ZNF354C: variants seen among roughly 807,000 people sequenced by gnomAD.
ZNF354C encodes the protein zinc finger protein 354C.
Under a neutral mutation model 12.4 loss-of-function variants are expected in ZNF354C, and 7 were observed. The observed-to-expected ratio is 0.56, with a 90% CI of 0.32 to 1.06. The LOEUF is 1.06. Among genes scored for constraint, ZNF354C ranks in the 50% least tolerant of loss-of-function variants. The pLI, the probability that ZNF354C is intolerant of heterozygous loss-of-function variation, is 0.04. For missense variants in ZNF354C, 609 were observed against 658.0 expected, an observed-to-expected ratio of 0.93 and a Z score of 0.81; for synonymous variants, 202 against 224.5, an observed-to-expected ratio of 0.90 and a Z score of 0.90.
Position 179,061,473 on chromosome 5 carries a change from G to A in ZNF354C, c.-54-542G>A, listed in dbSNP as rs1352176434. ...TGGGTAAAGTGTGGTAAGGCCCGAC[G>A]AAGATCTAGTAAAGAGGCTGGGAAA... is the stretch of plus-strand genomic sequence containing the variant. On this transcript the variant is annotated intron_variant, in intron 1 of 4. Coordinates refer to ENST00000315475, the MANE Select transcript of ZNF354C (RefSeq NM_014594.3). Among the ~76,000 whole-genome samples the A allele has an allele frequency of 2.0e-5, 3 of 152,296 alleles. No individual in the cohort carries two copies. The South Asian group carries it at 6.2e-4, about 32-fold the overall frequency.
intron 2 of ZNF354C, among the ~76,000 whole-genome samples, chr5:179,070,195 A>G (rs1762030246): frequency 6.6e-6 from 1 of 152,190 alleles, no homozygotes; most frequent in Non-Finnish European, 1.5e-5. Context: ...TGAGGGGCCC[A>G]GGTTGTGTGC....
chr5:179,067,198 G>C (rs1761968848), intron 2 of ZNF354C, among the ~76,000 whole-genome samples: 1 of 152,182 alleles, frequency 6.6e-6, no homozygotes, highest in Non-Finnish European at 1.5e-5. Flanking sequence ...AGAATCGTTT[G>C]AAGCCTCAGT....
intron 2 of ZNF354C, among the ~76,000 whole-genome samples, chr5:179,072,971 G>A (rs1762070432): frequency 6.6e-6 from 1 of 152,106 alleles, no homozygotes; most frequent in Admixed American, 6.5e-5. Context: ...CATATAGCTA[G>A]CTGGTTTCTA....
chr5:179,077,200 T>G (rs60369225), intron 4 of ZNF354C, 34 bp downstream of exon 4: 77,360 of 1,557,996 alleles, frequency 0.05, 3,568 homozygotes, highest in African/African-American at 0.23. Context: ...GCACAAGGGG[T>G]TCTTTATAGA....
intron 1 of ZNF354C, among the ~76,000 whole-genome samples, chr5:179,061,251 C>T (rs1025580207): frequency 9.2e-5 from 14 of 152,286 alleles, no homozygotes; most frequent in Non-Finnish European, 1.3e-4. Context: ...TCACACTTGC[C>T]CGGCTGCCCC....
intron 2 of ZNF354C, among the ~76,000 whole-genome samples, chr5:179,070,054 T>G (rs1762028038): frequency 6.6e-6 from 1 of 152,012 alleles, no homozygotes; most frequent in Non-Finnish European, 1.5e-5. Context: ...CCTGGTCTAT[T>G]AGGAACCAGG....
intron 3 of ZNF354C, 72 bp downstream of exon 3, chr5:179,076,643 C>A (rs1024771742): frequency 4.9e-5 from 77 of 1,575,744 alleles, no homozygotes; most frequent in Non-Finnish European, 6.5e-5. Flanking sequence ...GGGTTCCGAG[C>A]CTGTGGTCTT....
chr5:179,079,821 T>G lies in ZNF354C; in HGVS notation c.1389T>G (p.Thr463=), dbSNP rs1279645570. 6.2e-7 allele frequency: 1 copy of G among 1,614,012 alleles called. No individual in the cohort carries two copies. Among genetic ancestry groups the G allele is most frequent in the Non-Finnish European group, 8.5e-7 (1 of 1,180,024 alleles). ...TTTATAGGCATCAGAGAATTCATAC[T>G]GGAGAGAAACCGTATCAGTGTAATC... is the stretch of plus-strand genomic sequence containing the variant. ...SNLYRHQRIH[T]GEKPYQCNQC... is the part of the protein sequence containing the mutation. Residue 463 remains threonine, a synonymous_variant, in exon 5 of 5, where the codon ACT becomes ACG. Transcript: ENST00000315475. This position sits in a 1 kb window ranked among gnomAD's most constrained non-coding sequence, Gnocchi z 4.2.
intron 4 of ZNF354C, 74 bp from the exon 5 acceptor site, chr5:179,078,609 G>GT (rs1428708207): frequency 5.3e-5 from 64 of 1,217,206 alleles, no homozygotes; most frequent in Non-Finnish European, 6.9e-5. Flanking sequence ...ACTGTTACCA[G>GT]TTTTTTTGTC....
intron 2 of ZNF354C, among the ~76,000 whole-genome samples, chr5:179,074,500 T>C (rs542234094): frequency 6.6e-6 from 1 of 152,218 alleles, no homozygotes; most frequent in African/African-American, 2.4e-5. Flanking sequence ...GGCTTGCAAC[T>C]GGCCTAAATG....
At chr5:179,077,683 C>T (rs1762142766) in intron 4 of ZNF354C, among the ~76,000 whole-genome samples, 1 of 152,100 alleles carries the variant, frequency 6.6e-6, no homozygotes, top group Non-Finnish European at 1.5e-5. Flanking sequence ...GATTGTTGCA[C>T]AGGGGTGATT....
In ZNF354C at chr5:179,060,577, C is replaced by T. The variant is rs1441368331; in HGVS notation, c.-144C>T. 1 of 152,244 alleles carries T rather than the reference C, an allele frequency of 6.6e-6. No individual in the cohort carries two copies. Among genetic ancestry groups the T allele is most frequent in the African/African-American group, 2.4e-5 (1 of 41,458 alleles). The allele number at this position is 152,244 out of a possible 1,614,324, so 9.4% of individuals were successfully genotyped here. A position where few individuals can be genotyped will look rare whatever the true frequency, so the allele number is the denominator to read the frequency against. On this transcript the variant is annotated 5_prime_UTR_variant, in exon 1 of 5. Coordinates refer to ENST00000315475, the MANE Select transcript of ZNF354C (RefSeq NM_014594.3). This position sits in a 1 kb window ranked among gnomAD's most constrained non-coding sequence, Gnocchi z 4.2. ...CTGGGCTTCTGGGACCAGCCCTACG[C>T]GGCTCGGGCCCCTTGGCCACTGGGT... is the stretch of plus-strand genomic sequence containing the variant.
At chr5:179,069,642 G>A (rs1032568642) in intron 2 of ZNF354C, among the ~76,000 whole-genome samples, 9 of 151,474 alleles carry the variant, frequency 5.9e-5, no homozygotes, top group Admixed American at 5.3e-4. Context: ...GAGGCGGGTG[G>A]CTCACGAGAT....
At position 179,077,185 on chromosome 5, in the gene ZNF354C, A is replaced by G. The variant is rs749614572; in HGVS notation, c.250+19A>G. ...CGTCTAGGTAAGTGAGAGGCTGGGA[A>G]ATGGGCACAAGGGGTTCTTTATAGA... On this transcript the variant is annotated intron_variant, in intron 4 of 4. Coordinates refer to ENST00000315475, the MANE Select transcript of ZNF354C (RefSeq NM_014594.3). 1 of 1,603,302 alleles carries G rather than the reference A, an allele frequency of 6.2e-7. No individual in the cohort carries two copies. The highest frequency in any genetic ancestry group is 2.2e-5 in the East Asian group (1 of 44,824).
intron 2 of ZNF354C, among the ~76,000 whole-genome samples, chr5:179,065,406 G>T (rs1761946344): frequency 1.3e-5 from 2 of 151,620 alleles, no homozygotes; most frequent in African/African-American, 4.9e-5. Context: ...GTTGTTTTTT[G>T]TTTTTGTTTT....
chr5:179,083,029 C>T lies in ZNF354C; in HGVS notation c.*2932C>T. 2 of 780,268 alleles carry T rather than the reference C, an allele frequency of 2.6e-6. No individual in the cohort carries two copies. The highest frequency in any genetic ancestry group is 4.4e-6 in the Non-Finnish European group (2 of 458,658). 48.3% of individuals were successfully genotyped at this position (780,268 alleles called of 1,614,324 possible). ...TTAATGAAGCCAAACTGATCTTGCA[C>T]ACATTCCACTGGCCCTACGCAGGGG... On this transcript the variant is annotated 3_prime_UTR_variant, in exon 5 of 5. Transcript: ENST00000315475.
rs1581122121 is a variant in ZNF354C, at chr5:179,080,041, T to C, written c.1609T>C (p.Ser537Pro). 6.2e-7 allele frequency: 1 copy of C among 1,609,246 alleles called. No individual in the cohort carries two copies. Among genetic ancestry groups the C allele is most frequent in the Admixed American group, 1.7e-5 (1 of 58,982 alleles). ...KEYGKPFICS[S>P]SLTQYQRFFK... ...ATATGGGAAACCTTTCATCTGCAGC[T>C]CCTCACTTACCCAGTATCAGAGATT... The change falls in exon 5 of 5, where the codon TCC becomes CCC. Residue 537 changes from serine (S) to proline (P), a missense_variant. By Grantham distance (74) the Ser-to-Pro change is moderately conservative (BLOSUM62 -1). Transcript: ENST00000315475.
chr5:179,076,590 G>A lies in ZNF354C; in HGVS notation c.154+19G>A. The A allele has an allele frequency of 6.2e-7, 1 of 1,613,412 alleles. No individual in the cohort carries two copies. The highest frequency in any genetic ancestry group is 8.5e-7 in the Non-Finnish European group (1 of 1,179,638). Reference sequence around the variant, plus strand: ...TCACTGGGTAAGAATTTTTGCCTATGACGAAGAATCTGTTATAGGAACGCC... The same window carrying A: ...TCACTGGGTAAGAATTTTTGCCTATAACGAAGAATCTGTTATAGGAACGCC... On this transcript the variant is annotated intron_variant, in intron 3 of 4. Coordinates refer to ENST00000315475, the MANE Select transcript of ZNF354C (RefSeq NM_014594.3).
rs1762207399 is a variant in ZNF354C at position 179,080,173 on chromosome 5, T to TTTGTC, written c.*79_*83dup. Reference sequence around the variant, plus strand: ...AAATAGGGTACAAACTCCTAATAGATTTGTCTTTTTTACTTCTCCTGAAGG... The same window carrying TTTGTC: ...AAATAGGGTACAAACTCCTAATAGATTTGTCTTGTCTTTTTTACTTCTCCTGAAGG... On this transcript the variant is annotated 3_prime_UTR_variant, in exon 5 of 5. Transcript: ENST00000315475. 5 of 1,134,346 alleles carry TTTGTC rather than the reference T, an allele frequency of 4.4e-6. No individual in the cohort carries two copies. Among genetic ancestry groups the TTTGTC allele is most frequent in the Non-Finnish European group, 6.2e-6 (5 of 808,866 alleles). The allele number at this position is 1,134,346 out of a possible 1,614,324, so 70.3% of individuals were successfully genotyped here.
Sources: allele counts gnomAD v4.1 joint callset (sites outside exome capture counted in the v4.1 genomes callset), GRCh38; gene constraint gnomAD v4.1.1; non-coding constraint Gnocchi (gnomAD v3.1); transcripts MANE v1.5; gene names NCBI Gene and HGNC (gene_info 2026-07-23, HGNC 2026-07-21).